The following EBF4 variants were observed in gnomAD, a reference collection of about 807,000 sequenced individuals.
EBF4 encodes the protein EBF transcription factor 4.
Under a neutral mutation model 67.1 loss-of-function variants are expected in EBF4, and 34 were observed. The ratio of observed to expected loss-of-function variants is 0.51; its 90% CI spans 0.39 to 0.67. The LOEUF (loss-of-function observed/expected upper bound fraction) is 0.67. EBF4 is among the 30% of genes least tolerant of loss of function. EBF4 has a pLI of 0.00. For missense variants in EBF4, 837 were observed against 873.3 expected (o/e 0.96, Z 0.52); for synonymous variants, 387 against 377.7 (o/e 1.02, Z -0.29).
intron 7 of EBF4, among the ~76,000 whole-genome samples, chr20:2,749,017 A>G (rs1373383984): frequency 6.6e-6 from 1 of 152,202 alleles, no homozygotes; most frequent in Non-Finnish European, 1.5e-5. Context: ...AGAATAGGGC[A>G]GGGGCTCCTG....
chr20:2,752,054 G>T (rs1052112813), intron 12 of EBF4, 32 bp from the exon 13 acceptor site: 1 of 1,462,708 alleles, frequency 6.8e-7, no homozygotes. Flanking sequence ...GCCCGCGGCT[G>T]CCCCGGCCGT....
chr20:2,702,899 G>T (rs1429278043), intron 1 of EBF4, among the ~76,000 whole-genome samples: 1 of 152,070 alleles, frequency 6.6e-6, no homozygotes, highest in Non-Finnish European at 1.5e-5. Context: ...AGCCCTGCCT[G>T]GCTTCAGAAC....
rs1198672765 is a variant in EBF4, at chr20:2,755,791, G to A, written c.1705G>A (p.Ala569Thr). The A allele has an allele frequency of 1.9e-6, 3 of 1,549,328 alleles. No individual in the cohort carries two copies. The Admixed American group carries it at 5.9e-5, about 30-fold the overall frequency. ...GCGCCCCCCAAGCTCCCCACCCCAG[G>A]CCTGCCCCAGAGCCCACGGAGAGGG... is the stretch of plus-strand genomic sequence containing the variant. The change falls in exon 15 of 17, where the codon GCC becomes ACC. Residue 569 changes from alanine to threonine, a missense_variant. Physicochemically the swap from Ala to Thr is moderately conservative, Grantham distance 58 (BLOSUM62 0). Transcript: ENST00000609451. This position sits in a 1 kb window ranked among gnomAD's most constrained non-coding sequence, Gnocchi z 4.7.
At chr20:2,742,794 C>T (rs981737624) in intron 6 of EBF4, among the ~76,000 whole-genome samples, 5 of 152,104 alleles carry the variant, frequency 3.3e-5, no homozygotes, top group Admixed American at 3.3e-4. Context: ...TCAGAGAACA[C>T]CCCCAGGCTC....
At chr20:2,727,427 T>G (rs984227765) in intron 6 of EBF4, among the ~76,000 whole-genome samples, 1 of 152,208 alleles carries the variant, frequency 6.6e-6, no homozygotes. Context: ...AGTGCCACAG[T>G]TGTCCCTGCA....
chr20:2,732,114 T>G, intron 6 of EBF4, among the ~76,000 whole-genome samples: 1 of 152,018 alleles, frequency 6.6e-6, no homozygotes, highest in East Asian at 1.9e-4. Context: ...TTTTTTTTTT[T>G]CTTTTGAGAC....
chr20:2,723,953 T>C (rs936081645), intron 6 of EBF4, among the ~76,000 whole-genome samples: 5 of 152,250 alleles, frequency 3.3e-5, no homozygotes, highest in African/African-American at 1.2e-4. Context: ...TCTTCTTTAA[T>C]GGTTTGGAAC....
chr20:2,747,261 A>C lies in EBF4; in HGVS notation c.558-1288A>C, dbSNP rs2088063144. Among the ~76,000 whole-genome samples, 3 of 151,022 alleles carry C rather than the reference A, an allele frequency of 2.0e-5. No homozygotes were observed. In the South Asian group the frequency reaches 6.3e-4, roughly 32 times the overall value. The stretch of plus-strand genomic sequence containing the variant: ...CAGGAGGTGGAGGTTGCAGTGAGAC[A>C]TGGCGAGCCTGGGCAACAGAGCAAG... On this transcript the variant is annotated intron_variant, in intron 6 of 16. Transcript: ENST00000609451. This position sits in a 1 kb window ranked among gnomAD's most constrained non-coding sequence, Gnocchi z 4.6.
chr20:2,758,830 C>T, intron 15 of EBF4, 79 bp from the exon 16 acceptor site: 1 of 1,305,426 alleles, frequency 7.7e-7, no homozygotes, highest in Non-Finnish European at 1.1e-6. Context: ...TGCCTGCTGT[C>T]TCCAGCCCAG....
At chr20:2,743,295 G>A (rs564532266) in intron 6 of EBF4, among the ~76,000 whole-genome samples, 2 of 152,164 alleles carry the variant, frequency 1.3e-5, no homozygotes, top group African/African-American at 4.8e-5. Context: ...ACCAGGCAGC[G>A]GCACCCGGAG....
exon 9 of EBF4, chr20:2,749,662 G>T: frequency 6.4e-7 from 1 of 1,567,740 alleles, no homozygotes. Context: ...GGGGAGGGCT[G>T]GACCACGGGC....
chr20:2,709,748 C>T, intron 6 of EBF4, 106 bp downstream of exon 6: 2 of 1,174,894 alleles, frequency 1.7e-6, no homozygotes, highest in Non-Finnish European at 2.2e-6. Context: ...GAGCAGCCCC[C>T]CCGGGGCACC....
At chr20:2,717,256 C>T (rs1321951920) in intron 6 of EBF4, among the ~76,000 whole-genome samples, 1 of 152,080 alleles carries the variant, frequency 6.6e-6, no homozygotes, top group Non-Finnish European at 1.5e-5. Context: ...AGTACACTTA[C>T]CAGGTTCTAG....
upstream of EBF4, among the ~76,000 whole-genome samples, chr20:2,693,316 G>A (rs979108260): frequency 4.0e-5 from 6 of 149,964 alleles, no homozygotes; most frequent in Non-Finnish European, 7.4e-5. The surrounding 1 kb of genome is among the most constrained non-coding windows in gnomAD (Gnocchi z 4.6). Flanking sequence ...GCCAGAGCGC[G>A]CCTCTGGGGC....
In EBF4 at chr20:2,693,659, A is replaced by G. The variant is rs1306900168; in HGVS notation, c.14A>G (p.Gln5Arg). The change falls in exon 1 of 17, where the codon CAG becomes CGG. Residue 5 changes from glutamine (Q) to arginine (R), a missense_variant. Physicochemically the swap from Gln to Arg is conservative, Grantham distance 43. Around this residue, in one of 3 missense-constraint regions of EBF4, gnomAD observed 86 missense variants for 70.3 expected, o/e 1.22. Coordinates refer to ENST00000609451, the Ensembl canonical transcript of EBF4. This position sits in a 1 kb window ranked among gnomAD's most constrained non-coding sequence, Gnocchi z 4.6. Reference sequence around the variant, plus strand: ...CCGCGCGCCCTCATGTTCCCTGCGCAGGACGCTCTGCCCCGCAGCGGGCTG... The same window carrying G: ...CCGCGCGCCCTCATGTTCCCTGCGCGGGACGCTCTGCCCCGCAGCGGGCTG... The G allele has an allele frequency of 1.0e-5, 15 of 1,445,240 alleles. No homozygotes were observed. Among genetic ancestry groups the G allele is most frequent in the Non-Finnish European group, 1.8e-6 (2 of 1,106,048 alleles). The allele number at this position is 1,445,240 out of a possible 1,614,324, so 89.5% of individuals were successfully genotyped here. A position where few individuals can be genotyped will look rare whatever the true frequency, so the allele number is the denominator to read the frequency against.
chr20:2,720,394 C>A (rs920893065), intron 6 of EBF4, among the ~76,000 whole-genome samples: 2 of 152,176 alleles, frequency 1.3e-5, no homozygotes, highest in Non-Finnish European at 1.5e-5. Context: ...CCGCCCCCGG[C>A]CCATTCTTCT....
Position 2,739,999 on chromosome 20 carries a change from A to C in EBF4, c.558-8550A>C, listed in dbSNP as rs2087944420. On this transcript the variant is annotated intron_variant, in intron 6 of 16. Coordinates refer to ENST00000609451, the Ensembl canonical transcript of EBF4. This position sits in a 1 kb window ranked among gnomAD's most constrained non-coding sequence, Gnocchi z 4.5. ...GTCCAATATGGTAGTCTCGAGCCAC[A>C]TGTGACTATTTAGATTTATGTTCAT... Among the ~76,000 whole-genome samples the C allele has an allele frequency of 6.6e-6, 1 of 152,222 alleles. No homozygotes were observed. Among genetic ancestry groups the C allele is most frequent in the Non-Finnish European group, 1.5e-5 (1 of 68,034 alleles).
rs749340560 is a variant in EBF4, at chr20:2,755,651, C to T, written c.1565C>T (p.Ala522Val). The T allele has an allele frequency of 3.7e-5, 52 of 1,410,734 alleles. No individual in the cohort carries two copies. The highest frequency in any genetic ancestry group is 3.4e-5 in the East Asian group (1 of 29,106). The allele number at this position is 1,410,734 out of a possible 1,614,324, so 87.4% of individuals were successfully genotyped here. A position where few individuals can be genotyped will look rare whatever the true frequency, so the allele number is the denominator to read the frequency against. ...GTCATGCCCTCTAGCCCCCCGCTGG[C>T]GGCTGCCTCCTCCATGTCCCTCCCG... Residue 522 changes from alanine to valine, a missense_variant, in exon 15 of 17, where the codon GCG becomes GTG. By Grantham distance (64) the Ala-to-Val change is moderately conservative (BLOSUM62 0). This residue lies in a region of EBF4 where 525 missense variants were observed against 496.5 expected (regional missense o/e 1.06). Coordinates refer to ENST00000609451, the Ensembl canonical transcript of EBF4. The surrounding 1 kb of genome is among the most constrained non-coding windows in gnomAD (Gnocchi z 4.7).
Position 2,696,443 on chromosome 20 carries a change from G to C in EBF4, c.137+2661G>C, listed in dbSNP as rs771357759. Among the ~76,000 whole-genome samples the C allele has an allele frequency of 1.3e-5, 2 of 152,164 alleles. No homozygotes were observed. Among genetic ancestry groups the C allele is most frequent in the Non-Finnish European group, 2.9e-5 (2 of 68,032 alleles). ...GCCAAGATCGCACCACTGTACTCCA[G>C]CCTGGGCGGCAGAGTGAAACTGTGC... On this transcript the variant is annotated intron_variant, in intron 1 of 16. Coordinates refer to ENST00000609451, the Ensembl canonical transcript of EBF4. This position sits in a 1 kb window ranked among gnomAD's most constrained non-coding sequence, Gnocchi z 4.7.
Sources: gnomAD v4.1 joint callset for allele counts (sites outside exome capture counted in the v4.1 genomes callset) on GRCh38, gnomAD v4.1.1 for gene constraint, gnomAD v4.1.1 regional missense constraint, Gnocchi (gnomAD v3.1) non-coding constraint, MANE v1.5 for transcripts, NCBI Gene and HGNC (gene_info 2026-07-23, HGNC 2026-07-21) for gene names.